PKIA: variants seen among roughly 807,000 people sequenced by gnomAD.
PKIA encodes the protein cAMP-dependent protein kinase inhibitor alpha.
In PKIA, 4 loss-of-function variants were observed where a neutral mutation model predicts 7.6. The observed-to-expected ratio is 0.52, with a 90% CI of 0.26 to 1.20. The LOEUF (loss-of-function observed/expected upper bound fraction) is 1.20. Among genes scored for constraint, PKIA ranks in the 50% most tolerant of loss-of-function variants. The pLI is 0.13. For synonymous variants in PKIA, 21 were observed against 30.7 expected (o/e 0.68, Z 1.04); for missense variants, 73 against 86.2 (o/e 0.85, Z 0.61).
chr8:78,581,078 A>G, intron 2 of PKIA, among the ~76,000 whole-genome samples: 1 of 152,016 alleles, frequency 6.6e-6, no homozygotes, highest in East Asian at 1.9e-4. Context: ...GTGTCTAGAT[A>G]CAATTCTCCT....
chr8:78,545,814 A>ATAGCATCAATAGAAATCATCGTGAC (rs1238289414), intron 1 of PKIA, among the ~76,000 whole-genome samples: 4 of 152,166 alleles, frequency 2.6e-5, no homozygotes, highest in African/African-American at 9.6e-5. Flanking sequence ...GGAAATACTG[A>ATAGCATCAATAGAAATCATCGTGAC]TAGCATCAAT....
At chr8:78,571,227 T>G (rs1354408230) in intron 1 of PKIA, among the ~76,000 whole-genome samples, 1 of 152,026 alleles carries the variant, frequency 6.6e-6, no homozygotes, top group African/African-American at 2.4e-5. Flanking sequence ...TTGATTTGAT[T>G]TAATAGAGGA....
chr8:78,592,183 C>T (rs148006389), intron 2 of PKIA, among the ~76,000 whole-genome samples: 3 of 151,966 alleles, frequency 2.0e-5, no homozygotes, highest in African/African-American at 7.2e-5. Context: ...AAGGGGAATT[C>T]ACTAAAAGCA....
intron 2 of PKIA, among the ~76,000 whole-genome samples, chr8:78,592,875 G>A (rs1454344354): frequency 6.6e-6 from 1 of 152,022 alleles, no homozygotes. Context: ...ACCCCTACAA[G>A]GATATGTATT....
intron 1 of PKIA, among the ~76,000 whole-genome samples, chr8:78,549,464 GGTCT>G (rs1163946264): frequency 1.3e-5 from 2 of 151,806 alleles, no homozygotes; most frequent in Non-Finnish European, 2.9e-5. Flanking sequence ...TTTGCTATAT[GGTCT>G]TTCTTGAAGA....
At chr8:78,563,723 G>A (rs1807338082) in intron 1 of PKIA, among the ~76,000 whole-genome samples, 1 of 151,870 alleles carries the variant, frequency 6.6e-6, no homozygotes, top group South Asian at 2.1e-4. Context: ...TAGGACATGA[G>A]GTGTGGAAAA....
chr8:78,575,611 AG>A (rs1807656640), intron 2 of PKIA, among the ~76,000 whole-genome samples: 1 of 152,006 alleles, frequency 6.6e-6, no homozygotes, highest in Non-Finnish European at 1.5e-5. Context: ...TACACGTGCA[AG>A]ATTTATCTTA....
At chr8:78,554,599 G>A (rs1807080190) in intron 1 of PKIA, among the ~76,000 whole-genome samples, 1 of 151,902 alleles carries the variant, frequency 6.6e-6, no homozygotes, top group Non-Finnish European at 1.5e-5. Flanking sequence ...AAGTTTACCA[G>A]GATGAAAAGT....
intron 1 of PKIA, among the ~76,000 whole-genome samples, chr8:78,527,355 T>C (rs1806269545): frequency 6.6e-6 from 1 of 152,066 alleles, no homozygotes; most frequent in Admixed American, 6.6e-5. Flanking sequence ...ACATATTTTA[T>C]GTATATTATA....
At chr8:78,564,750 T>G (rs964635597) in intron 1 of PKIA, among the ~76,000 whole-genome samples, 1 of 151,882 alleles carries the variant, frequency 6.6e-6, no homozygotes, top group African/African-American at 2.4e-5. Flanking sequence ...AGAAAATGAT[T>G]GAGTAAAGCA....
chr8:78,584,665 C>T (rs1324227433), intron 2 of PKIA, among the ~76,000 whole-genome samples: 1 of 152,016 alleles, frequency 6.6e-6, no homozygotes, highest in Non-Finnish European at 1.5e-5. Context: ...ATATGAAAGA[C>T]ATTCTATCTA....
intron 2 of PKIA, among the ~76,000 whole-genome samples, chr8:78,583,981 T>C (rs1221750990): frequency 6.6e-6 from 1 of 152,122 alleles, no homozygotes; most frequent in Non-Finnish European, 1.5e-5. Flanking sequence ...AGCAACAAGA[T>C]TTTCATGTTT....
At chr8:78,532,448 T>C (rs952503015) in intron 1 of PKIA, among the ~76,000 whole-genome samples, 1 of 150,546 alleles carries the variant, frequency 6.6e-6, no homozygotes, top group Non-Finnish European at 1.5e-5. Flanking sequence ...AGGCGGAGCT[T>C]GCAGTGAGCT....
intron 2 of PKIA, among the ~76,000 whole-genome samples, chr8:78,594,385 C>A (rs1381914646): frequency 6.6e-6 from 1 of 151,676 alleles, no homozygotes; most frequent in African/African-American, 2.4e-5. Context: ...AAAAGTGAGT[C>A]CTTTCCAGAT....
At chr8:78,554,889 TTAAAAA>T (rs1439951036) in intron 1 of PKIA, among the ~76,000 whole-genome samples, 3 of 152,034 alleles carry the variant, frequency 2.0e-5, no homozygotes, top group Non-Finnish European at 4.4e-5. Context: ...AGAGACTAGT[TTAAAAA>T]TAAAAGATTG....
At chr8:78,576,845 GAATAT>G (rs1298588198) in intron 2 of PKIA, among the ~76,000 whole-genome samples, 5 of 151,976 alleles carry the variant, frequency 3.3e-5, no homozygotes, top group Non-Finnish European at 7.4e-5. Flanking sequence ...ATACCTAGAG[GAATAT>G]AAATCATTCT....
Position 78,599,678 on chromosome 8 carries a change from G to A in PKIA, c.151+1143G>A, listed in dbSNP as rs185761510. Among the ~76,000 whole-genome samples the A allele has an allele frequency of 9.2e-5, 14 of 152,098 alleles. No individual in the cohort carries two copies. The East Asian group carries it at 2.3e-3, about 25-fold the overall frequency. ...AGTAGTTACTTCCCAGAACAGCTCT[G>A]AGAAAGACTGTATGGGGAATTATTC... On this transcript the variant is annotated intron_variant, in intron 3 of 3. Coordinates refer to ENST00000396418, the MANE Select transcript of PKIA (RefSeq NM_006823.4).
intron 1 of PKIA, among the ~76,000 whole-genome samples, chr8:78,548,706 T>C (rs754332893): frequency 6.6e-6 from 1 of 152,110 alleles, no homozygotes; most frequent in African/African-American, 2.4e-5. Context: ...GTCAAATATA[T>C]GCAACTCCCT....
At chr8:78,539,983 A>G (rs1293665504) in intron 1 of PKIA, among the ~76,000 whole-genome samples, 1 of 152,018 alleles carries the variant, frequency 6.6e-6, no homozygotes, top group Non-Finnish European at 1.5e-5. Context: ...ATAGGAAAAA[A>G]TATTTAGCAG....
Sources: gnomAD v4.1 joint callset for allele counts (sites outside exome capture counted in the v4.1 genomes callset) on GRCh38, gnomAD v4.1.1 for gene constraint, MANE v1.5 for transcripts, NCBI Gene and HGNC (gene_info 2026-07-23, HGNC 2026-07-21) for gene names.